Variants in SYNE2 observed in about 807,000 individuals in gnomAD.
The protein encoded by SYNE2 is spectrin repeat containing nuclear envelope protein 2.
In SYNE2, 431 loss-of-function variants were observed where a neutral mutation model predicts 856.3. That is an observed-to-expected ratio of 0.50 (90% confidence interval 0.47 to 0.55). SYNE2 has a LOEUF of 0.55. SYNE2 is among the 20% of genes least tolerant of loss of function. The pLI is 0.00. For synonymous variants in SYNE2, 2,923 were observed against 2,872.3 expected (o/e 1.02, Z -0.56); for missense variants, 8,129 against 8,023.2 (o/e 1.01, Z -0.50).
At chr14:64,180,999 T>C (rs575660662) in intron 96 of SYNE2, among the ~76,000 whole-genome samples, 1 of 152,372 alleles carries the variant, frequency 6.6e-6, no homozygotes, top group Admixed American at 6.5e-5. Context: ...CTTATGTTAA[T>C]TCCAATAATT....
At chr14:64,223,440 C>T (rs2098703820) in intron 113 of SYNE2, 60 bp downstream of exon 113, 2 of 1,588,174 alleles carry the variant, frequency 1.3e-6, no homozygotes, top group Non-Finnish European at 1.7e-6. Flanking sequence ...GACAGGACAG[C>T]AGTGTTGTAG....
At chr14:63,787,605 C>T (rs1271650022) in intron 1 of SYNE2, among the ~76,000 whole-genome samples, 1 of 152,150 alleles carries the variant, frequency 6.6e-6, no homozygotes, top group Non-Finnish European at 1.5e-5. Context: ...TGGGTAGCTC[C>T]CCTCTGTAGC....
chr14:63,805,123 G>A (rs536545093), intron 1 of SYNE2, among the ~76,000 whole-genome samples: 12 of 152,214 alleles, frequency 7.9e-5, no homozygotes, highest in African/African-American at 1.7e-4. Context: ...TACCGATACC[G>A]TACTAGCCTT....
intron 103 of SYNE2, among the ~76,000 whole-genome samples, chr14:64,210,778 C>G (rs1280865169): frequency 1.3e-5 from 2 of 152,230 alleles, no homozygotes; most frequent in East Asian, 3.8e-4. Context: ...CAGGGCAGAG[C>G]ATGGTTGAAC....
intron 96 of SYNE2, among the ~76,000 whole-genome samples, chr14:64,184,517 C>T (rs1385903257): frequency 2.0e-5 from 3 of 152,164 alleles, no homozygotes; most frequent in African/African-American, 2.4e-5. Flanking sequence ...GGGCATAACT[C>T]GGTGGCCGAG....
At position 64,000,556 on chromosome 14, in the gene SYNE2, A is replaced by C; in HGVS notation, c.3481-6A>C. On this transcript the variant is annotated splice_region_variant and splice_polypyrimidine_tract_variant and intron_variant, in intron 27 of 115. Coordinates refer to ENST00000555002, the MANE Select transcript of SYNE2 (RefSeq NM_182914.3). ...GTTGATAAATTAATTTATGTGTTCC[A>C]TCTAGGTCATAAAAAATGAAACTGA... 1 of 1,612,050 alleles carries C rather than the reference A, an allele frequency of 6.2e-7. No individual in the cohort carries two copies. The highest frequency in any genetic ancestry group is 1.1e-5 in the South Asian group (1 of 90,958).
chr14:64,011,875 C>T (rs868859197), intron 32 of SYNE2, among the ~76,000 whole-genome samples: 3 of 152,240 alleles, frequency 2.0e-5, no homozygotes, highest in African/African-American at 7.2e-5. Context: ...GGTGAGTCTC[C>T]CTAATCGGAA....
At position 64,052,232 on chromosome 14, in the gene SYNE2, T is replaced by C; in HGVS notation, c.8319T>C (p.Asp2773=). 6.2e-7 allele frequency: 1 copy of C among 1,614,196 alleles called. No individual in the cohort carries two copies. Among genetic ancestry groups the C allele is most frequent in the Non-Finnish European group, 8.5e-7 (1 of 1,180,044 alleles). Reference sequence around the variant, plus strand: ...TCAGAAAGTGCAAAGTGACACATGATGGCATTCTAGCTAGGCAGCAGTCTG... The same window carrying C: ...TCAGAAAGTGCAAAGTGACACATGACGGCATTCTAGCTAGGCAGCAGTCTG... ...SQIRKCKVTH[D]GILARQQSVE... Residue 2773 remains aspartate, a synonymous_variant, in exon 48 of 116, where the codon GAT becomes GAC. Transcript: ENST00000555002.
At chr14:63,944,823 G>GTT (rs2095995950) in intron 6 of SYNE2, among the ~76,000 whole-genome samples, 2 of 65,786 alleles carry the variant, frequency 3.0e-5, no homozygotes, top group Non-Finnish European at 5.3e-5. Flanking sequence ...TGGGCTTAAA[G>GTT]CTTTTTTTTT....
intron 63 of SYNE2, among the ~76,000 whole-genome samples, chr14:64,100,514 C>CAAAAA (rs35489245): frequency 5.9e-4 from 14 of 23,760 alleles, no homozygotes; most frequent in South Asian, 1.6e-3. Context: ...AAAACTGTCT[C>CAAAAA]AAAAAAAAAA....
intron 2 of SYNE2, among the ~76,000 whole-genome samples, chr14:63,912,136 C>A (rs1429817506): frequency 6.6e-6 from 1 of 152,066 alleles, no homozygotes; most frequent in Non-Finnish European, 1.5e-5. Flanking sequence ...CAAGAAGTTC[C>A]CATACCTATA....
chr14:64,082,272 A>G (rs947153407), intron 57 of SYNE2, among the ~76,000 whole-genome samples: 1 of 152,166 alleles, frequency 6.6e-6, no homozygotes. Flanking sequence ...GATTAAGGTA[A>G]TGGGGTAGTC....
intron 64 of SYNE2, 34 bp downstream of exon 64, chr14:64,102,076 T>C (rs1394988136): frequency 6.8e-7 from 1 of 1,473,876 alleles, no homozygotes; most frequent in Admixed American, 1.7e-5. Flanking sequence ...GCTTAGGGGT[T>C]ACGAGGGCCC....
At chr14:63,845,272 C>G (rs1299369715) in intron 1 of SYNE2, among the ~76,000 whole-genome samples, 2 of 151,944 alleles carry the variant, frequency 1.3e-5, no homozygotes, top group Non-Finnish European at 2.9e-5. Context: ...AAAAATTAGC[C>G]AGGCATGGTG....
intron 1 of SYNE2, among the ~76,000 whole-genome samples, chr14:63,885,576 G>C (rs766322198): frequency 6.6e-6 from 1 of 152,146 alleles, no homozygotes; most frequent in Non-Finnish European, 1.5e-5. Flanking sequence ...AATGGCCAGA[G>C]CTGAAGTTAC....
At chr14:63,957,359 C>A (rs1057088572) in intron 8 of SYNE2, among the ~76,000 whole-genome samples, 1 of 150,102 alleles carries the variant, frequency 6.7e-6, no homozygotes, top group Non-Finnish European at 1.5e-5. Context: ...GCTTCCATCT[C>A]CTTGGTTCAA....
intron 80 of SYNE2, among the ~76,000 whole-genome samples, chr14:64,140,489 G>A (rs1161158743): frequency 6.6e-6 from 1 of 152,168 alleles, no homozygotes; most frequent in Admixed American, 6.5e-5. Context: ...GGCTGAGGCA[G>A]GAGAATCACT....
intron 1 of SYNE2, among the ~76,000 whole-genome samples, chr14:63,834,804 CTAATT>C (rs1889790893): frequency 6.6e-6 from 1 of 151,674 alleles, no homozygotes; most frequent in Admixed American, 6.6e-5. Flanking sequence ...TCACACCCAG[CTAATT>C]TTTGTATTTT....
intron 1 of SYNE2, among the ~76,000 whole-genome samples, chr14:63,780,462 A>G (rs1468289060): frequency 6.6e-6 from 1 of 152,090 alleles, no homozygotes; most frequent in Non-Finnish European, 1.5e-5. Context: ...TGAACCAGGG[A>G]GGTAGAGGTT....
Sources: allele counts gnomAD v4.1 joint callset (sites outside exome capture counted in the v4.1 genomes callset), GRCh38; gene constraint gnomAD v4.1.1; transcripts MANE v1.5; gene names NCBI Gene and HGNC (gene_info 2026-07-23, HGNC 2026-07-21).